The following TPD52L1 variants were observed in gnomAD, a reference collection of about 807,000 sequenced individuals.
The protein encoded by TPD52L1 is TPD52 like 1, also known as tumor protein D53.
In TPD52L1, 18 loss-of-function variants were observed where a neutral mutation model predicts 28.7. The ratio of observed to expected loss-of-function variants is 0.63; its 90% CI spans 0.43 to 0.93. The LOEUF (loss-of-function observed/expected upper bound fraction) is 0.93. TPD52L1 is among the 40% of genes least tolerant of loss of function. The pLI is 0.00. For synonymous variants in TPD52L1, 75 were observed against 88.8 expected (o/e 0.84, Z 0.88); for missense variants, 203 against 254.8 (o/e 0.80, Z 1.39).
intron 6 of TPD52L1, chr6:125,260,235 CA>C (rs901923080): frequency 1.3e-5 from 2 of 152,118 alleles, no homozygotes; most frequent in African/African-American, 4.8e-5. Flanking sequence ...TTGTTTCTCT[CA>C]GGGAAGAAAT....
At position 125,229,217 on chromosome 6, in the gene TPD52L1, T is replaced by C. The variant is rs1562332971; in HGVS notation, c.235T>C (p.Leu79=). The C allele has an allele frequency of 6.2e-7, 1 of 1,613,640 alleles. No individual in the cohort carries two copies. Residue 79 remains leucine, a synonymous_variant, in exon 3 of 7, where the codon TTA becomes CTA. Coordinates refer to ENST00000534000, the MANE Select transcript of TPD52L1 (RefSeq NM_003287.4). ...ACTCGGCATGAACCTGATGAATGAA[T>C]TAAAACAGAACTTCAGCAAAAGCTG... The part of the protein sequence containing the change: ...QKLGMNLMNE[L]KQNFSKSWHD...
At chr6:125,234,265 T>G (rs1193190484) in intron 3 of TPD52L1, 1 of 152,246 alleles carries the variant, frequency 6.6e-6, no homozygotes, top group Non-Finnish European at 1.5e-5. Flanking sequence ...TTGAGCCTTG[T>G]TGGGAAGTGC....
At chr6:125,214,121 G>A (rs1794700563) in intron 1 of TPD52L1, among the ~76,000 whole-genome samples, 1 of 152,184 alleles carries the variant, frequency 6.6e-6, no homozygotes, top group Non-Finnish European at 1.5e-5. Context: ...CTGGCAGGGA[G>A]GGAGACAGGC....
chr6:125,222,851 G>A (rs1795339199), intron 2 of TPD52L1, among the ~76,000 whole-genome samples: 1 of 152,168 alleles, frequency 6.6e-6, no homozygotes, highest in Non-Finnish European at 1.5e-5. Flanking sequence ...GCCTTAGATT[G>A]TCTAAGATGG....
intron 1 of TPD52L1, among the ~76,000 whole-genome samples, chr6:125,187,951 G>A (rs769413403): frequency 1.1e-4 from 17 of 151,170 alleles, no homozygotes; most frequent in African/African-American, 2.4e-4. Flanking sequence ...TAATGATGTC[G>A]AGGAACACAG....
At chr6:125,188,226 T>G (rs1219975706) in intron 1 of TPD52L1, among the ~76,000 whole-genome samples, 1 of 152,214 alleles carries the variant, frequency 6.6e-6, no homozygotes, top group African/African-American at 2.4e-5. Flanking sequence ...TCTCCTCTGT[T>G]AAGATATCCA....
chr6:125,219,872 A>C (rs1054509672), intron 1 of TPD52L1: 6 of 589,468 alleles, frequency 1.0e-5, no homozygotes, highest in Non-Finnish European at 1.8e-5. Flanking sequence ...TTTTCTCTTA[A>C]TTTTTTTCTT....
chr6:125,155,943 C>A (rs1292540585), intron 1 of TPD52L1, among the ~76,000 whole-genome samples: 2 of 152,100 alleles, frequency 1.3e-5, no homozygotes. Flanking sequence ...TAATAAGTTC[C>A]TTGTTTACAG....
At chr6:125,205,888 C>A (rs571394418) in intron 1 of TPD52L1, among the ~76,000 whole-genome samples, 4 of 152,310 alleles carry the variant, frequency 2.6e-5, no homozygotes, top group African/African-American at 9.6e-5. Context: ...CACGTCACTT[C>A]CATTTTTAGC....
At chr6:125,214,496 G>A (rs1250800279) in intron 1 of TPD52L1, 7 of 969,288 alleles carry the variant, frequency 7.2e-6, no homozygotes, top group Non-Finnish European at 8.6e-6. Context: ...GTATCTAAGG[G>A]GAACTGCTTG....
At chr6:125,186,757 G>A (rs1792663315) in intron 1 of TPD52L1, among the ~76,000 whole-genome samples, 1 of 152,056 alleles carries the variant, frequency 6.6e-6, no homozygotes, top group Non-Finnish European at 1.5e-5. Flanking sequence ...CAGAAAACTG[G>A]GACCTCAGCC....
chr6:125,184,898 A>G (rs1792488623), intron 1 of TPD52L1, among the ~76,000 whole-genome samples: 1 of 152,210 alleles, frequency 6.6e-6, no homozygotes, highest in Admixed American at 6.5e-5. Context: ...ATGTAAAAGG[A>G]CTAAATACCC....
chr6:125,244,383 G>A (rs576615001), intron 3 of TPD52L1, among the ~76,000 whole-genome samples: 86 of 152,290 alleles, frequency 5.6e-4, no homozygotes, highest in African/African-American at 2.0e-3. Context: ...TGATGAAGTT[G>A]GCTGGAGGAC....
intron 1 of TPD52L1, among the ~76,000 whole-genome samples, chr6:125,172,080 CTCTTTCTTTCTTTCTTTCCCTT>C (rs1182087654): frequency 2.2e-5 from 2 of 92,322 alleles, no homozygotes; most frequent in East Asian, 5.7e-4. Context: ...TTCTTTCTTT[CTCTTTCTTTCTTTCTTTCCCTT>C]TCTTTCTTTC....
At chr6:125,241,570 A>G (rs1434043216) in intron 3 of TPD52L1, among the ~76,000 whole-genome samples, 1 of 152,024 alleles carries the variant, frequency 6.6e-6, no homozygotes, top group Non-Finnish European at 1.5e-5. Flanking sequence ...ATATATTTCC[A>G]GGAACTTATC....
chr6:125,174,600 A>G (rs932514365), intron 1 of TPD52L1, among the ~76,000 whole-genome samples: 1 of 152,234 alleles, frequency 6.6e-6, no homozygotes, highest in African/African-American at 2.4e-5. Flanking sequence ...TACTAGGATG[A>G]AAGCTTAAAG....
intron 1 of TPD52L1, among the ~76,000 whole-genome samples, chr6:125,172,561 A>ATATAATATATATATATATATAATATATAT (rs1562215221): frequency 1.1e-5 from 1 of 90,448 alleles, no homozygotes; most frequent in African/African-American, 4.9e-5. Flanking sequence ...TAATATATAT[A>ATATAATATATATATATATATAATATATAT]CTATATGGCA....
At chr6:125,161,180 T>C (rs1790504273) in intron 1 of TPD52L1, among the ~76,000 whole-genome samples, 1 of 152,188 alleles carries the variant, frequency 6.6e-6, no homozygotes, top group Non-Finnish European at 1.5e-5. Flanking sequence ...TTAAACCTCA[T>C]GAACAAATCT....
chr6:125,189,264 C>T (rs1007488560), intron 1 of TPD52L1, among the ~76,000 whole-genome samples: 3 of 152,310 alleles, frequency 2.0e-5, no homozygotes, highest in Admixed American at 1.3e-4. Context: ...ATATTGACTA[C>T]TTAATTCTTC....
Sources: gnomAD v4.1 joint callset for allele counts (sites outside exome capture counted in the v4.1 genomes callset) on GRCh38, gnomAD v4.1.1 for gene constraint, MANE v1.5 for transcripts, NCBI Gene and HGNC (gene_info 2026-07-23, HGNC 2026-07-21) for gene names.